The following GPRC6A variants were observed in gnomAD, a reference collection of about 807,000 sequenced individuals.
GPRC6A encodes G protein-coupled receptor class C group 6 member A.
GPRC6A carries 54 observed loss-of-function variants against 47.0 expected under a neutral mutation model. The ratio of observed to expected loss-of-function variants is 1.15; its 90% CI spans 0.92 to 1.44. The LOEUF (loss-of-function observed/expected upper bound fraction) is 1.44, where lower values mean the gene tolerates loss of function less well. Among genes scored for constraint, GPRC6A ranks in the 40% most tolerant of loss-of-function variants. GPRC6A has a pLI of 0.00. For missense variants in GPRC6A, 1,112 were observed against 1,105.5 expected (o/e 1.01, Z -0.08); for synonymous variants, 347 against 377.1 (o/e 0.92, Z 0.93).
intron 1 of GPRC6A, among the ~76,000 whole-genome samples, chr6:116,815,961 C>T (rs1000071199): frequency 2.0e-5 from 3 of 152,170 alleles, no homozygotes; most frequent in African/African-American, 4.8e-5. Context: ...GGCATCTGCT[C>T]AGTTTCTTGG....
At chr6:116,821,026 T>A (rs1368996700) in intron 1 of GPRC6A, among the ~76,000 whole-genome samples, 2 of 150,816 alleles carry the variant, frequency 1.3e-5, no homozygotes, top group Non-Finnish European at 3.0e-5. Context: ...GGATACAAAA[T>A]CAATGTACAA....
At chr6:116,803,865 C>T (rs866871000) in intron 3 of GPRC6A, among the ~76,000 whole-genome samples, 4 of 152,058 alleles carry the variant, frequency 2.6e-5, no homozygotes, top group Non-Finnish European at 4.4e-5. Context: ...TACTTCTCTG[C>T]CATCTTGTGT....
intron 4 of GPRC6A, among the ~76,000 whole-genome samples, chr6:116,797,227 G>GA (rs1255019626): frequency 6.6e-6 from 1 of 151,978 alleles, no homozygotes; most frequent in Non-Finnish European, 1.5e-5. Context: ...CATTTTTTAT[G>GA]GCTGCATAGT....
At chr6:116,824,451 G>A (rs1398768869) in intron 1 of GPRC6A, among the ~76,000 whole-genome samples, 1 of 151,888 alleles carries the variant, frequency 6.6e-6, no homozygotes, top group East Asian at 1.9e-4. Context: ...GATTATCAGA[G>A]ACTATTAGGA....
At position 116,806,481 on chromosome 6, in the gene GPRC6A, CT is replaced by C; in HGVS notation, c.1223del (p.Glu408GlyfsTer43). 1 of 1,613,420 alleles carries C rather than the reference CT, an allele frequency of 6.2e-7. No individual in the cohort carries two copies. Among genetic ancestry groups the C allele is most frequent in the Non-Finnish European group, 8.5e-7 (1 of 1,179,572 alleles). ...GCTGAATACTATGAATGAGTCCTGG[CT>C]CAGCATAGTCCCAGAGGAAGTCATT... ...MRNDFLWDYAEPGLIHSIQLA... is the reference protein window; with the variant it reads ...MRNDFLWDYAXPGLIHSIQLA... On this transcript the variant is annotated frameshift_variant, in exon 3 of 6. Coordinates refer to ENST00000310357, the MANE Select transcript of GPRC6A (RefSeq NM_148963.4). LOFTEE classifies it high-confidence loss of function.
At chr6:116,810,674 A>G (rs1342184584) in intron 1 of GPRC6A, among the ~76,000 whole-genome samples, 2 of 151,770 alleles carry the variant, frequency 1.3e-5, no homozygotes, top group African/African-American at 4.8e-5. Context: ...TCAAAACATA[A>G]TGAACTAAAA....
At chr6:116,828,560 GT>G (rs964242162) in intron 1 of GPRC6A, among the ~76,000 whole-genome samples, 2 of 152,042 alleles carry the variant, frequency 1.3e-5, no homozygotes, top group Non-Finnish European at 2.9e-5. Context: ...TTCAGGCATT[GT>G]TTTTTAAAGG....
At chr6:116,819,548 A>T (rs981013094) in intron 1 of GPRC6A, among the ~76,000 whole-genome samples, 88 of 152,324 alleles carry the variant, frequency 5.8e-4, no homozygotes, top group African/African-American at 2.0e-3. Flanking sequence ...CTCAGGATTA[A>T]GAATCTCACT....
chr6:116,809,793 A>G (rs1249454093), intron 1 of GPRC6A, among the ~76,000 whole-genome samples, 176 bp from the exon 2 acceptor site: 4 of 152,168 alleles, frequency 2.6e-5, no homozygotes, highest in Non-Finnish European at 4.4e-5. Context: ...GAAGGGTAAT[A>G]TAAGAACCCA....
intron 3 of GPRC6A, among the ~76,000 whole-genome samples, chr6:116,805,315 A>G (rs1772800809): frequency 6.6e-6 from 1 of 151,954 alleles, no homozygotes; most frequent in Non-Finnish European, 1.5e-5. Flanking sequence ...CCCAAATGTT[A>G]ACTGGTCATA....
Position 116,792,247 on chromosome 6 carries a change from C to A in GPRC6A, c.2676G>T (p.Trp892Cys), listed in dbSNP as rs1383122463. 1 of 1,613,970 alleles carries A rather than the reference C, an allele frequency of 6.2e-7. No individual in the cohort carries two copies. Among genetic ancestry groups the A allele is most frequent in the Non-Finnish European group, 8.5e-7 (1 of 1,179,936 alleles). ...NPSSSGKSAT[W>C]QKSKDLQAQA... is the part of the protein sequence containing the mutation. The stretch of plus-strand genomic sequence containing the variant: ...GTGCCTGAAGATCTTTGCTTTTCTG[C>A]CAGGTTGCAGACTTGCCACTAGAGC... Residue 892 changes from tryptophan to cysteine, a missense_variant, in exon 6 of 6, where the codon TGG becomes TGT. Physicochemically the swap from Trp to Cys is radical, Grantham distance 215. Transcript: ENST00000310357.
chr6:116,804,966 A>G (rs1772792324), intron 3 of GPRC6A, among the ~76,000 whole-genome samples: 1 of 152,072 alleles, frequency 6.6e-6, no homozygotes, highest in Non-Finnish European at 1.5e-5. Context: ...TTAAAAATTA[A>G]AACAGTTTTT....
At chr6:116,816,251 A>T (rs1773201949) in intron 1 of GPRC6A, among the ~76,000 whole-genome samples, 1 of 152,224 alleles carries the variant, frequency 6.6e-6, no homozygotes, top group African/African-American at 2.4e-5. Context: ...CTGCAAAATA[A>T]AAAATAAGTT....
chr6:116,807,180 G>A lies in GPRC6A; in HGVS notation c.525C>T (p.Ile175=). Residue 175 remains isoleucine (I), a synonymous_variant, in exon 3 of 6, where the codon ATC becomes ATT. Coordinates refer to ENST00000310357, the MANE Select transcript of GPRC6A (RefSeq NM_148963.4). ...PQVGYESTAE[I]LSDKIRFPSF... is the part of the protein sequence containing the mutation. ...AAGGAAAGCGAATTTTGTCACTCAG[G>A]ATTTCTGCAGTTGATTCATAACCCA... 1 of 1,612,326 alleles carries A rather than the reference G, an allele frequency of 6.2e-7. No homozygotes were observed. The highest frequency in any genetic ancestry group is 8.5e-7 in the Non-Finnish European group (1 of 1,178,942).
At chr6:116,808,405 C>G (rs551237259) in intron 2 of GPRC6A, among the ~76,000 whole-genome samples, 1 of 152,192 alleles carries the variant, frequency 6.6e-6, no homozygotes, top group South Asian at 2.1e-4. Context: ...CATACATAGT[C>G]TAGAAATTTT....
intron 1 of GPRC6A, among the ~76,000 whole-genome samples, chr6:116,820,721 A>C (rs1387513786): frequency 6.6e-6 from 1 of 151,866 alleles, no homozygotes; most frequent in Non-Finnish European, 1.5e-5. Context: ...AAATAATAAG[A>C]GCTATCTATG....
At chr6:116,797,915 G>A (rs1461937116) in intron 4 of GPRC6A, among the ~76,000 whole-genome samples, 1 of 152,208 alleles carries the variant, frequency 6.6e-6, no homozygotes, top group Admixed American at 6.5e-5. Flanking sequence ...CAAGGAAGAA[G>A]TATCTTGCTT....
intron 1 of GPRC6A, among the ~76,000 whole-genome samples, chr6:116,825,959 A>G (rs1216483754): frequency 6.6e-6 from 1 of 152,030 alleles, no homozygotes; most frequent in Non-Finnish European, 1.5e-5. Context: ...AAGGACTTCA[A>G]TAAATCGTAC....
intron 1 of GPRC6A, 102 bp from the exon 2 acceptor site, chr6:116,809,719 G>T: frequency 1.4e-6 from 1 of 714,934 alleles, no homozygotes; most frequent in Non-Finnish European, 2.3e-6. Flanking sequence ...TTCTGGATGA[G>T]TGAAGCTTAT....
Sources: allele counts gnomAD v4.1 joint callset (sites outside exome capture counted in the v4.1 genomes callset), GRCh38; gene constraint gnomAD v4.1.1; transcripts MANE v1.5; gene names NCBI Gene and HGNC (gene_info 2026-07-23, HGNC 2026-07-21).